The following COA1 variants were observed in gnomAD, a reference collection of about 807,000 sequenced individuals.
COA1 encodes cytochrome c oxidase assembly factor 1.
A neutral mutation model predicts 16.0 loss-of-function variants in COA1; 13 were observed. The ratio of observed to expected loss-of-function variants is 0.81; its 90% CI spans 0.53 to 1.29. The LOEUF is 1.29. Among genes scored for constraint, COA1 ranks in the 50% most tolerant of loss-of-function variants. The pLI, the probability that COA1 is intolerant of heterozygous loss-of-function variation, is 0.00. For synonymous variants in COA1, 65 were observed against 65.7 expected (o/e 0.99, Z 0.05); for missense variants, 179 against 177.0 (o/e 1.01, Z -0.06).
At chr7:43,662,950 T>G (rs1006081836) in intron 1 of COA1, among the ~76,000 whole-genome samples, 1 of 152,244 alleles carries the variant, frequency 6.6e-6, no homozygotes, top group Admixed American at 6.5e-5. Context: ...ATGGATCTGT[T>G]TCTAAAGTCT....
At chr7:43,623,556 C>T (rs1554485824) in intron 6 of COA1, 6 of 1,603,766 alleles carry the variant, frequency 3.7e-6, no homozygotes, top group Non-Finnish European at 4.2e-6. Context: ...ATGTTTTCTT[C>T]TCTTTCTGAT....
At chr7:43,623,621 G>T in intron 6 of COA1, 1 of 1,610,650 alleles carries the variant, frequency 6.2e-7, no homozygotes, top group South Asian at 1.1e-5. Flanking sequence ...CAGATATGTG[G>T]TAAGAGTTAT....
At chr7:43,610,143 G>A (rs952426089) in intron 6 of COA1, among the ~76,000 whole-genome samples, 12 of 151,208 alleles carry the variant, frequency 7.9e-5, no homozygotes, top group East Asian at 2.0e-4. Flanking sequence ...TCAGGAGATC[G>A]AGACCATCCT....
intron 1 of COA1, among the ~76,000 whole-genome samples, chr7:43,713,832 A>C (rs1193907156): frequency 6.6e-6 from 1 of 152,148 alleles, no homozygotes; most frequent in East Asian, 1.9e-4. Flanking sequence ...TGACATCAGG[A>C]GTTCGAGACC....
At chr7:43,687,510 G>A (rs1291283176) in intron 1 of COA1, among the ~76,000 whole-genome samples, 1 of 150,334 alleles carries the variant, frequency 6.7e-6, no homozygotes, top group Non-Finnish European at 1.5e-5. Context: ...AAAAAGGACT[G>A]TGAAATCTAC....
At chr7:43,639,768 G>T in intron 5 of COA1, 87 bp from the exon 6 acceptor site, 1 of 981,830 alleles carries the variant, frequency 1.0e-6, no homozygotes, top group Middle Eastern at 2.1e-4. Context: ...GAAAGCAGTT[G>T]TTTTGAATAA....
At chr7:43,634,130 A>G (rs2085483673) in intron 6 of COA1, among the ~76,000 whole-genome samples, 1 of 152,004 alleles carries the variant, frequency 6.6e-6, no homozygotes, top group Admixed American at 6.5e-5. Context: ...TTTTTTTTAA[A>G]TGATGGCTGC....
chr7:43,689,034 C>T (rs1329266207), intron 1 of COA1, among the ~76,000 whole-genome samples: 3 of 152,204 alleles, frequency 2.0e-5, no homozygotes, highest in Non-Finnish European at 2.9e-5. Flanking sequence ...TTATTTCTCT[C>T]TAACCCCACG....
At chr7:43,637,391 G>GTC (rs1453688301), downstream of COA1, among the ~76,000 whole-genome samples, 10 of 152,260 alleles carry the variant, frequency 6.6e-5, no homozygotes, top group Admixed American at 5.2e-4. Context: ...GTCTTTACAA[G>GTC]TCTACAGTTT....
At chr7:43,661,699 G>C (rs2092451046) in intron 1 of COA1, among the ~76,000 whole-genome samples, 1 of 151,996 alleles carries the variant, frequency 6.6e-6, no homozygotes, top group Non-Finnish European at 1.5e-5. Flanking sequence ...ACAATCCAGG[G>C]TTTCTATCTA....
intron 2 of COA1, 55 bp from the exon 3 acceptor site, chr7:43,647,689 G>T: frequency 1.4e-6 from 2 of 1,411,880 alleles, no homozygotes; most frequent in Admixed American, 1.7e-5. Context: ...GTGCCAAGGG[G>T]ATTTGCCCGG....
intron 1 of COA1, among the ~76,000 whole-genome samples, chr7:43,701,328 A>T (rs1199757080): frequency 6.6e-6 from 1 of 151,972 alleles, no homozygotes; most frequent in Non-Finnish European, 1.5e-5. Context: ...TCATGCATTC[A>T]CTGTTTAGCT....
intron 5 of COA1, 105 bp from the exon 6 acceptor site, chr7:43,639,786 A>T: frequency 1.3e-6 from 1 of 776,132 alleles, no homozygotes; most frequent in Non-Finnish European, 2.1e-6. Context: ...TAATGCCTTA[A>T]ATTTTTTTAA....
At chr7:43,627,082 A>G (rs1262327906) in intron 6 of COA1, among the ~76,000 whole-genome samples, 1 of 152,256 alleles carries the variant, frequency 6.6e-6, no homozygotes, top group Non-Finnish European at 1.5e-5. Context: ...ATAAAGGACT[A>G]AACAGTACTA....
At chr7:43,693,589 C>T (rs923335941) in intron 1 of COA1, among the ~76,000 whole-genome samples, 4 of 152,078 alleles carry the variant, frequency 2.6e-5, no homozygotes, top group African/African-American at 9.7e-5. Flanking sequence ...ATCATCACTC[C>T]AACATTTTTA....
At chr7:43,718,374 T>C (rs577611984) in intron 1 of COA1, among the ~76,000 whole-genome samples, 60 of 152,366 alleles carry the variant, frequency 3.9e-4, no homozygotes, top group African/African-American at 1.4e-3. Context: ...TGTCAGCATG[T>C]CCTGCTCTTG....
downstream of COA1, chr7:43,639,094 T>C (rs1039535783): frequency 6.6e-6 from 1 of 152,314 alleles, no homozygotes; most frequent in East Asian, 1.9e-4. Flanking sequence ...CTTAACAACA[T>C]GAATTCAAGG....
chr7:43,678,789 T>TA (rs930715864), intron 1 of COA1, among the ~76,000 whole-genome samples: 45 of 151,154 alleles, frequency 3.0e-4, no homozygotes, highest in South Asian at 1.3e-3. Context: ...GGCAATTATT[T>TA]AAAAAAAAAT....
intron 1 of COA1, among the ~76,000 whole-genome samples, chr7:43,727,486 T>C (rs2095640396): frequency 6.6e-6 from 1 of 151,966 alleles, no homozygotes; most frequent in Non-Finnish European, 1.5e-5. Context: ...CACTAACTAA[T>C]GGAAAATAAA....
Sources: allele counts gnomAD v4.1 joint callset (sites outside exome capture counted in the v4.1 genomes callset), GRCh38; gene constraint gnomAD v4.1.1; transcripts MANE v1.5; gene names NCBI Gene and HGNC (gene_info 2026-07-23, HGNC 2026-07-21).